The following TOGARAM1 variants were observed in gnomAD, a reference collection of about 807,000 sequenced individuals.
TOGARAM1 encodes TOG array regulator of axonemal microtubules 1, also known as TOG array regulator of axonemal microtubules protein 1.
TOGARAM1 carries 100 observed loss-of-function variants against 166.6 expected under a neutral mutation model. That is an observed-to-expected ratio of 0.60 (90% CI 0.51 to 0.71). The LOEUF is 0.71. TOGARAM1 is among the 30% of genes least tolerant of loss of function. TOGARAM1 has a pLI of 0.00. For missense variants in TOGARAM1, 2,029 were observed against 2,102.7 expected, an observed-to-expected ratio of 0.96 and a Z score of 0.69; for synonymous variants, 758 against 763.8, an observed-to-expected ratio of 0.99 and a Z score of 0.13.
chr14:45,045,611 G>A (rs374125480), intron 13 of TOGARAM1, among the ~76,000 whole-genome samples: 19 of 75,486 alleles, frequency 2.5e-4, no homozygotes, highest in African/African-American at 9.3e-4. Context: ...GTGTGTGTGT[G>A]TGTGTGTATA....
intron 1 of TOGARAM1, among the ~76,000 whole-genome samples, chr14:44,992,250 G>A (rs769461318): frequency 4.5e-4 from 68 of 152,134 alleles, no homozygotes; most frequent in Non-Finnish European, 9.3e-4. Context: ...GTGTACATAG[G>A]AAAATAATTT....
At chr14:45,005,646 A>C (rs926190178) in intron 4 of TOGARAM1, among the ~76,000 whole-genome samples, 2 of 152,084 alleles carry the variant, frequency 1.3e-5, no homozygotes. Flanking sequence ...AAATAAAAAG[A>C]TGTTGAAGGA....
chr14:44,985,555 C>G (rs764915752), intron 1 of TOGARAM1, among the ~76,000 whole-genome samples: 4 of 152,206 alleles, frequency 2.6e-5, no homozygotes, highest in Admixed American at 6.5e-5. Context: ...ATATGCAGTT[C>G]ACAATAGGGT....
chr14:45,032,358 T>G lies in TOGARAM1; in HGVS notation c.3794T>G (p.Leu1265Arg). ...PEIALTEALR[L>R]LADEDWEKKI... ...ATAGCACTGACAGAAGCCCTGAGGC[T>G]TTTGGCTGATGAGGATTGGTAAGTT... Residue 1265 changes from leucine (L) to arginine (R), a missense_variant, in exon 11 of 20, where the codon CTT becomes CGT. This residue lies in a region of TOGARAM1 where 576 missense variants were observed against 670.5 expected (regional missense o/e 0.86). Transcript: ENST00000361462. 6.2e-7 allele frequency: 1 copy of G among 1,613,740 alleles called. No homozygotes were observed.
At chr14:45,030,018 C>T (rs1881067772) in intron 10 of TOGARAM1, among the ~76,000 whole-genome samples, 1 of 152,058 alleles carries the variant, frequency 6.6e-6, no homozygotes, top group African/African-American at 2.4e-5. Flanking sequence ...GACGGGGTTT[C>T]ACCATGTTGG....
intron 7 of TOGARAM1, among the ~76,000 whole-genome samples, chr14:45,021,218 G>C (rs984427162): frequency 1.1e-4 from 17 of 152,132 alleles, no homozygotes; most frequent in African/African-American, 3.9e-4. Flanking sequence ...CGGACAACTA[G>C]GATTAAAAAT....
At chr14:44,968,433 A>G (rs940179185) in intron 1 of TOGARAM1, among the ~76,000 whole-genome samples, 6 of 152,266 alleles carry the variant, frequency 3.9e-5, no homozygotes, top group Admixed American at 1.3e-4. Flanking sequence ...TATTTTTAGT[A>G]GAGACGGGGT....
At chr14:45,056,672 T>A (rs1018021499) in intron 16 of TOGARAM1, among the ~76,000 whole-genome samples, 2 of 152,190 alleles carry the variant, frequency 1.3e-5, no homozygotes, top group African/African-American at 4.8e-5. Flanking sequence ...CATATTTTTT[T>A]AATTCCGTGT....
intron 1 of TOGARAM1, among the ~76,000 whole-genome samples, chr14:44,966,945 G>C (rs889014481): frequency 6.6e-6 from 1 of 152,096 alleles, no homozygotes; most frequent in African/African-American, 2.4e-5. Context: ...TCAAGAGTGA[G>C]ACCCAGACTC....
At chr14:45,061,768 A>G (rs1175016947) in intron 16 of TOGARAM1, among the ~76,000 whole-genome samples, 1 of 151,578 alleles carries the variant, frequency 6.6e-6, no homozygotes, top group Non-Finnish European at 1.5e-5. Flanking sequence ...TTTATTTACT[A>G]AAATTATTTA....
At position 44,963,867 on chromosome 14, in the gene TOGARAM1, G is replaced by A; in HGVS notation, c.1446G>A (p.Lys482=). The A allele has an allele frequency of 6.2e-7, 1 of 1,614,096 alleles. No homozygotes were observed. Among genetic ancestry groups the A allele is most frequent in the Non-Finnish European group, 8.5e-7 (1 of 1,179,954 alleles). ...LCLLLEHLKH[K]HSRVREEVVN... is the part of the protein sequence containing the mutation. Reference sequence around the variant, plus strand: ...TACTCCTGGAACATCTCAAACATAAGCATTCCAGAGTGAGAGAGGAGGTGG... The same window carrying A: ...TACTCCTGGAACATCTCAAACATAAACATTCCAGAGTGAGAGAGGAGGTGG... Residue 482 remains lysine (K), a synonymous_variant, in exon 1 of 20, where the codon AAG becomes AAA. Transcript: ENST00000361462.
chr14:45,003,935 A>G, intron 3 of TOGARAM1, 126 bp from the exon 4 acceptor site: 1 of 663,836 alleles, frequency 1.5e-6, no homozygotes, highest in Non-Finnish European at 2.5e-6. Context: ...CCTTTACCTC[A>G]TACCATACAA....
At chr14:45,018,038 T>C (rs1290258921) in intron 7 of TOGARAM1, among the ~76,000 whole-genome samples, 1 of 152,190 alleles carries the variant, frequency 6.6e-6, no homozygotes, top group African/African-American at 2.4e-5. Context: ...TTTTGAAGGG[T>C]ATAAATATTT....
intron 16 of TOGARAM1, among the ~76,000 whole-genome samples, chr14:45,063,315 TATG>T (rs1882983733): frequency 6.6e-6 from 1 of 152,152 alleles, no homozygotes; most frequent in Non-Finnish European, 1.5e-5. Flanking sequence ...TGCTGGATCA[TATG>T]ATAACTCTAT....
intron 7 of TOGARAM1, among the ~76,000 whole-genome samples, chr14:45,013,436 A>G (rs895640040): frequency 6.6e-6 from 1 of 152,210 alleles, no homozygotes; most frequent in Non-Finnish European, 1.5e-5. Flanking sequence ...TGTGTTTAGT[A>G]TACTGCCTTG....
Position 45,073,668 on chromosome 14 carries a change from A to C in TOGARAM1, c.*107A>C. ...CCTGCACTTCACATCCAGCAAATTA[A>C]GTCAATGGCTATTTTTATTTGCAGC... On this transcript the variant is annotated 3_prime_UTR_variant, in exon 20 of 20. Transcript: ENST00000361462. 1 of 1,021,528 alleles carries C rather than the reference A, an allele frequency of 9.8e-7. No homozygotes were observed. The allele number at this position is 1,021,528 out of a possible 1,614,324, so 63.3% of individuals were successfully genotyped here.
intron 10 of TOGARAM1, among the ~76,000 whole-genome samples, chr14:45,029,599 T>C (rs569164326): frequency 6.6e-6 from 1 of 152,238 alleles, no homozygotes; most frequent in Non-Finnish European, 1.5e-5. Context: ...AGCTAAATTC[T>C]AATTGGATAT....
chr14:44,985,824 T>C (rs1331887918), intron 1 of TOGARAM1, among the ~76,000 whole-genome samples: 1 of 152,212 alleles, frequency 6.6e-6, no homozygotes, highest in African/African-American at 2.4e-5. Context: ...GAGTAAATTA[T>C]AAAAACAAGT....
At chr14:45,042,419 C>T (rs1257889522) in intron 11 of TOGARAM1, 1 of 151,668 alleles carries the variant, frequency 6.6e-6, no homozygotes, top group Admixed American at 6.6e-5. Context: ...AGGGTCTATG[C>T]ATCAAGAAGA....
Sources: gnomAD v4.1 joint callset for allele counts (sites outside exome capture counted in the v4.1 genomes callset) on GRCh38, gnomAD v4.1.1 for gene constraint, gnomAD v4.1.1 regional missense constraint, MANE v1.5 for transcripts, NCBI Gene and HGNC (gene_info 2026-07-23, HGNC 2026-07-21) for gene names.